The following ELOVL6 variants were observed in gnomAD, a reference collection of about 807,000 sequenced individuals.
ELOVL6 encodes very long chain fatty acid elongase 6.
ELOVL6 carries 8 observed loss-of-function variants against 31.7 expected under a neutral mutation model. The observed-to-expected ratio is 0.25, with a 90% CI of 0.15 to 0.45. The LOEUF is 0.45. Among genes scored for constraint, ELOVL6 ranks in the 20% least tolerant of loss-of-function variants. The pLI is 1.00. For synonymous variants in ELOVL6, 101 were observed against 117.7 expected (o/e 0.86, Z 0.92); for missense variants, 126 against 326.4 (o/e 0.39, Z 4.73).
intron 2 of ELOVL6, among the ~76,000 whole-genome samples, chr4:110,061,701 C>T (rs1273288636): frequency 6.6e-6 from 1 of 151,868 alleles, no homozygotes; most frequent in Non-Finnish European, 1.5e-5. Flanking sequence ...GGACTACAGG[C>T]ATGCACCACC....
chr4:110,084,586 A>ATTT (rs1756183730), intron 2 of ELOVL6, among the ~76,000 whole-genome samples: 7 of 39,606 alleles, frequency 1.8e-4, no homozygotes, highest in African/African-American at 1.2e-3. Flanking sequence ...ATATATATAT[A>ATTT]TATTTTTTTT....
chr4:110,058,644 AG>A (rs1755060384), intron 3 of ELOVL6, among the ~76,000 whole-genome samples: 1 of 152,168 alleles, frequency 6.6e-6, no homozygotes, highest in South Asian at 2.1e-4. Context: ...CTCCCTTTTT[AG>A]GAGAAACAGG....
intron 2 of ELOVL6, among the ~76,000 whole-genome samples, chr4:110,060,705 C>T (rs1246471144): frequency 6.6e-6 from 1 of 152,090 alleles, no homozygotes; most frequent in Admixed American, 6.5e-5. Flanking sequence ...GTGAACCATG[C>T]CCGGGACTGA....
chr4:110,186,912 CAAA>C (rs1216985545), intron 1 of ELOVL6, among the ~76,000 whole-genome samples: 1 of 115,866 alleles, frequency 8.6e-6, no homozygotes, highest in Non-Finnish European at 1.8e-5. Context: ...TGGAATGTTT[CAAA>C]AAAAAAAACT....
intron 2 of ELOVL6, among the ~76,000 whole-genome samples, chr4:110,084,551 C>CAGATATATATTTATATAT (rs1163599448): frequency 9.6e-4 from 62 of 64,682 alleles, no homozygotes; most frequent in African/African-American, 1.2e-3. Flanking sequence ...CACACACACA[C>CAGATATATATTTATATAT]ACACACACAC....
intron 1 of ELOVL6, among the ~76,000 whole-genome samples, chr4:110,184,361 T>C (rs1759380581): frequency 6.6e-6 from 1 of 152,208 alleles, no homozygotes; most frequent in Admixed American, 6.5e-5. Context: ...TTTATCTATT[T>C]ATAAACCAAG....
intron 1 of ELOVL6, among the ~76,000 whole-genome samples, chr4:110,181,173 G>T (rs562711758): frequency 1.3e-5 from 2 of 152,060 alleles, no homozygotes; most frequent in Non-Finnish European, 2.9e-5. Context: ...AAGGCCGGGC[G>T]CAGTGGCTCA....
intron 3 of ELOVL6, among the ~76,000 whole-genome samples, chr4:110,052,878 C>T (rs567626492): frequency 1.3e-5 from 2 of 152,332 alleles, no homozygotes; most frequent in South Asian, 4.1e-4. Context: ...AATCGACATC[C>T]TTCATGACCT....
intron 1 of ELOVL6, among the ~76,000 whole-genome samples, chr4:110,180,394 T>G: frequency 6.6e-6 from 1 of 151,974 alleles, no homozygotes; most frequent in East Asian, 1.9e-4. Context: ...ATGTATGTAT[T>G]TATAGGAACA....
In ELOVL6 at chr4:110,051,947, G is replaced by C. The variant is rs886759136; in HGVS notation, c.374-185C>G. Among the ~76,000 whole-genome samples the C allele has an allele frequency of 4.6e-5, 7 of 152,170 alleles. No homozygotes were observed. Among genetic ancestry groups the C allele is most frequent in the African/African-American group, 1.7e-4 (7 of 41,444 alleles). ...AAGTTAGTTATCCTCACTATTTCTA[G>C]TTTCCTCATCTATATAAATGGTGAT... On this transcript the variant is annotated intron_variant, in intron 3 of 3. Coordinates refer to ENST00000302274, the MANE Select transcript of ELOVL6 (RefSeq NM_024090.3). The surrounding 1 kb of genome is among the most constrained non-coding windows in gnomAD (Gnocchi z 4.8).
intron 1 of ELOVL6, among the ~76,000 whole-genome samples, chr4:110,193,329 T>C (rs974808616): frequency 4.6e-5 from 7 of 152,132 alleles, no homozygotes; most frequent in African/African-American, 1.7e-4. Flanking sequence ...TCACGGCCGG[T>C]TGCAGTGGCT....
chr4:110,117,899 AAAAAAT>A (rs1381071331), intron 1 of ELOVL6: 3 of 5,306 alleles, frequency 5.7e-4, no homozygotes, highest in Non-Finnish European at 1.0e-3. Flanking sequence ...AAAAAAAAAA[AAAAAAT>A]ATATATATAT....
chr4:110,185,260 T>G (rs1228610623), intron 1 of ELOVL6, among the ~76,000 whole-genome samples: 1 of 152,250 alleles, frequency 6.6e-6, no homozygotes, highest in Non-Finnish European at 1.5e-5. Flanking sequence ...AATTCAAAAC[T>G]AAATACAACT....
intron 2 of ELOVL6, among the ~76,000 whole-genome samples, chr4:110,102,674 T>G (rs1189857394): frequency 1.3e-5 from 2 of 150,850 alleles, no homozygotes. Flanking sequence ...AAAAAAAAAG[T>G]AAAGATGATA....
intron 1 of ELOVL6, chr4:110,146,381 C>T (rs1315011129): frequency 6.6e-6 from 1 of 152,210 alleles, no homozygotes; most frequent in Admixed American, 6.5e-5. Context: ...TCTATGCAGC[C>T]TGAGGTGATC....
chr4:110,113,207 G>A (rs552114947), intron 1 of ELOVL6, among the ~76,000 whole-genome samples: 9 of 134,528 alleles, frequency 6.7e-5, no homozygotes, highest in African/African-American at 1.7e-4. Context: ...CAGCCTGGGC[G>A]ACAAAGCAAG....
At chr4:110,162,340 G>C (rs1056559259) in intron 1 of ELOVL6, among the ~76,000 whole-genome samples, 1 of 151,988 alleles carries the variant, frequency 6.6e-6, no homozygotes, top group Non-Finnish European at 1.5e-5. Context: ...ACATCTTGTG[G>C]GTTGTGGGTT....
intron 2 of ELOVL6, among the ~76,000 whole-genome samples, chr4:110,086,425 T>TAAATGAG (rs1275159843): frequency 6.6e-6 from 1 of 152,226 alleles, no homozygotes. Context: ...TGTGAATCTC[T>TAAATGAG]TACATCTAAA....
chr4:110,163,549 C>A (rs1758685821), intron 1 of ELOVL6, among the ~76,000 whole-genome samples: 1 of 152,140 alleles, frequency 6.6e-6, no homozygotes, highest in Non-Finnish European at 1.5e-5. Context: ...TATGGACTGA[C>A]CGCATAGTGT....
Sources: allele counts gnomAD v4.1 joint callset (sites outside exome capture counted in the v4.1 genomes callset), GRCh38; gene constraint gnomAD v4.1.1; non-coding constraint Gnocchi (gnomAD v3.1); transcripts MANE v1.5; gene names NCBI Gene and HGNC (gene_info 2026-07-23, HGNC 2026-07-21).